Variants in ALK observed in about 807,000 individuals in gnomAD.
ALK encodes the protein ALK receptor tyrosine kinase, also known as ALK tyrosine kinase receptor.
Under a neutral mutation model 163.1 loss-of-function variants are expected in ALK, and 74 were observed. The ratio of observed to expected loss-of-function variants is 0.45; its 90% CI spans 0.38 to 0.55. ALK has a LOEUF of 0.55. ALK is among the 20% of genes least tolerant of loss of function. ALK has a pLI of 0.00. For missense variants in ALK, 2,063 were observed against 2,105.3 expected (o/e 0.98, Z 0.39); for synonymous variants, 960 against 843.2 (o/e 1.14, Z -2.40).
At chr2:29,206,453 G>A (rs1669312114) in intron 26 of ALK, among the ~76,000 whole-genome samples, 1 of 151,950 alleles carries the variant, frequency 6.6e-6, no homozygotes, top group Non-Finnish European at 1.5e-5. Flanking sequence ...AAAATTTATG[G>A]TAGAGATGGG....
intron 2 of ALK, among the ~76,000 whole-genome samples, chr2:29,713,948 G>C (rs970433875): frequency 6.6e-6 from 1 of 151,548 alleles, no homozygotes; most frequent in Non-Finnish European, 1.5e-5. Context: ...ACCCAGAGTG[G>C]GCAAATATGA....
chr2:29,496,403 A>AT (rs1672025024), intron 4 of ALK, among the ~76,000 whole-genome samples: 1 of 152,220 alleles, frequency 6.6e-6, no homozygotes, highest in Admixed American at 6.5e-5. Flanking sequence ...GTCACTGCAT[A>AT]TGGCAGTGCA....
intron 3 of ALK, among the ~76,000 whole-genome samples, chr2:29,569,965 C>T (rs774462400): frequency 6.6e-6 from 1 of 152,166 alleles, no homozygotes; most frequent in Admixed American, 6.5e-5. Context: ...AAAGGGAACA[C>T]CCTAGTAGGA....
At chr2:29,672,474 A>G (rs546825366) in intron 3 of ALK, among the ~76,000 whole-genome samples, 135 of 149,956 alleles carry the variant, frequency 9.0e-4, no homozygotes, top group Non-Finnish European at 1.6e-3. Flanking sequence ...ATGATTTCCA[A>G]TTTCATCCAT....
intron 3 of ALK, among the ~76,000 whole-genome samples, chr2:29,550,201 A>T (rs1476606197): frequency 6.6e-6 from 1 of 152,206 alleles, no homozygotes; most frequent in East Asian, 1.9e-4. Flanking sequence ...CTGCATTTTA[A>T]TTTGCAACAA....
At chr2:29,557,713 T>C (rs1673901812) in intron 3 of ALK, among the ~76,000 whole-genome samples, 1 of 152,230 alleles carries the variant, frequency 6.6e-6, no homozygotes, top group East Asian at 1.9e-4. Context: ...CTCCTAGTCC[T>C]CAGGGAATAT....
intron 3 of ALK, among the ~76,000 whole-genome samples, chr2:29,536,871 G>A (rs982854015): frequency 2.6e-5 from 4 of 152,180 alleles, no homozygotes; most frequent in Non-Finnish European, 5.9e-5. Context: ...AAATAATTGG[G>A]CTGCATTCAT....
At chr2:29,679,980 T>G (rs1678014101) in intron 3 of ALK, among the ~76,000 whole-genome samples, 1 of 152,066 alleles carries the variant, frequency 6.6e-6, no homozygotes, top group African/African-American at 2.4e-5. Context: ...TTGACATTTT[T>G]TCTTATCTTT....
chr2:29,242,841 C>T (rs1664559540), intron 12 of ALK, among the ~76,000 whole-genome samples: 1 of 152,238 alleles, frequency 6.6e-6, no homozygotes, highest in African/African-American at 2.4e-5. Context: ...GACAGCAGAG[C>T]TTGGCAAGCA....
intron 1 of ALK, among the ~76,000 whole-genome samples, chr2:29,907,917 T>C (rs1667592752): frequency 6.6e-6 from 1 of 152,124 alleles, no homozygotes; most frequent in East Asian, 1.9e-4. Flanking sequence ...CAGTAAACCA[T>C]AAGTCTTCAA....
At chr2:29,730,645 G>C (rs773928548) in intron 1 of ALK, among the ~76,000 whole-genome samples, 2 of 152,166 alleles carry the variant, frequency 1.3e-5, no homozygotes, top group Non-Finnish European at 2.9e-5. Flanking sequence ...GGCTAAGCCA[G>C]TGCTTCCTCA....
intron 3 of ALK, among the ~76,000 whole-genome samples, chr2:29,583,561 T>TTTTTTTTTTTTTTTTTGAGACGG (rs1295800280): frequency 6.6e-6 from 1 of 151,844 alleles, no homozygotes; most frequent in Non-Finnish European, 1.5e-5. Context: ...TCTGGACTTT[T>TTTTTTTTTTTTTTTTTGAGACGG]AATATCAAGA....
intron 11 of ALK, among the ~76,000 whole-genome samples, chr2:29,266,103 G>A (rs13428018): frequency 0.012 from 1,770 of 152,320 alleles, 28 homozygotes; most frequent in African/African-American, 0.04. Context: ...CGCATCCATT[G>A]TTTTCAAGAT....
At chr2:29,825,729 C>T (rs549804297) in intron 1 of ALK, among the ~76,000 whole-genome samples, 2 of 150,594 alleles carry the variant, frequency 1.3e-5, no homozygotes, top group African/African-American at 2.4e-5. Flanking sequence ...TTTTTTAAAT[C>T]GTTGTGTACC....
chr2:29,715,660 A>G (rs1679228207), intron 2 of ALK, among the ~76,000 whole-genome samples: 2 of 152,214 alleles, frequency 1.3e-5, no homozygotes, highest in African/African-American at 4.8e-5. Flanking sequence ...TTTTATAAAA[A>G]TTGTCCTTCT....
intron 12 of ALK, among the ~76,000 whole-genome samples, chr2:29,240,558 G>A (rs1039856548): frequency 1.3e-5 from 2 of 152,190 alleles, no homozygotes; most frequent in Non-Finnish European, 2.9e-5. Context: ...GAGGAGAGCA[G>A]TGTATATGAG....
At chr2:29,494,913 TCA>T (rs958401228) in intron 4 of ALK, among the ~76,000 whole-genome samples, 1 of 151,728 alleles carries the variant, frequency 6.6e-6, no homozygotes, top group African/African-American at 2.4e-5. Flanking sequence ...TCTTAGTTCC[TCA>T]CTATTAGACC....
At chr2:29,699,880 G>C (rs889726410) in intron 2 of ALK, among the ~76,000 whole-genome samples, 1 of 152,226 alleles carries the variant, frequency 6.6e-6, no homozygotes, top group African/African-American at 2.4e-5. Context: ...GCTGAGAGGA[G>C]CGTCAAGTGC....
intron 11 of ALK, among the ~76,000 whole-genome samples, chr2:29,257,266 C>T (rs945247875): frequency 1.3e-5 from 2 of 151,972 alleles, no homozygotes; most frequent in Non-Finnish European, 2.9e-5. Context: ...ACTGCCTTAT[C>T]TCATTCTTAC....
Sources: allele counts gnomAD v4.1 joint callset (sites outside exome capture counted in the v4.1 genomes callset), GRCh38; gene constraint gnomAD v4.1.1; transcripts MANE v1.5; gene names NCBI Gene and HGNC (gene_info 2026-07-23, HGNC 2026-07-21).